AKT3: variants seen among roughly 807,000 people sequenced by gnomAD.
AKT3 encodes the protein RAC-gamma serine/threonine-protein kinase.
In AKT3, 15 loss-of-function variants were observed where a neutral mutation model predicts 65.3. The ratio of observed to expected loss-of-function variants is 0.23; its 90% confidence interval spans 0.15 to 0.35. AKT3 has a LOEUF of 0.35. AKT3 is among the 10% of genes least tolerant of loss of function. The pLI is 1.00. For synonymous variants in AKT3, 206 were observed against 183.8 expected, an observed-to-expected ratio of 1.12 and a Z score of -0.98; for missense variants, 243 against 576.5, an observed-to-expected ratio of 0.42 and a Z score of 5.92.
chr1:243,605,526 T>C (rs1030705642), intron 8 of AKT3, among the ~76,000 whole-genome samples: 10 of 152,280 alleles, frequency 6.6e-5, no homozygotes, highest in African/African-American at 1.2e-4. Context: ...CATTGAGAAA[T>C]TGAGAAAAAG....
At chr1:243,525,152 C>A (rs1670963216) in intron 12 of AKT3, among the ~76,000 whole-genome samples, 1 of 152,162 alleles carries the variant, frequency 6.6e-6, no homozygotes, top group Non-Finnish European at 1.5e-5. Flanking sequence ...CACACATGCA[C>A]AGGGCAGGCT....
intron 12 of AKT3, among the ~76,000 whole-genome samples, chr1:243,516,628 C>T (rs1252726295): frequency 6.6e-6 from 1 of 152,090 alleles, no homozygotes; most frequent in Non-Finnish European, 1.5e-5. Flanking sequence ...TCATAGTTCA[C>T]TGAAGCCTCA....
At chr1:243,775,816 A>G (rs759233797) in intron 2 of AKT3, among the ~76,000 whole-genome samples, 2 of 152,244 alleles carry the variant, frequency 1.3e-5, no homozygotes, top group Non-Finnish European at 2.9e-5. Context: ...TATTATTTAT[A>G]GACATAAAAA....
At chr1:243,559,271 G>A (rs919752563) in intron 10 of AKT3, among the ~76,000 whole-genome samples, 1 of 152,046 alleles carries the variant, frequency 6.6e-6, no homozygotes, top group African/African-American at 2.4e-5. Context: ...CACACTAAAT[G>A]CACAGTGCAT....
intron 2 of AKT3, among the ~76,000 whole-genome samples, chr1:243,785,469 CTACT>C (rs1354349655): frequency 6.6e-6 from 1 of 151,208 alleles, no homozygotes; most frequent in African/African-American, 2.4e-5. Flanking sequence ...TTTTTTTTTA[CTACT>C]TATAGTTTAG....
chr1:243,586,505 T>C (rs1431551774), intron 8 of AKT3, among the ~76,000 whole-genome samples: 7 of 151,894 alleles, frequency 4.6e-5, no homozygotes, highest in African/African-American at 1.7e-4. Context: ...ATTAAGAAAA[T>C]GTGGTGTATA....
rs757929806 is a variant in AKT3, at chr1:243,818,744, T to C, written c.46+24381A>G. On this transcript the variant is annotated intron_variant, in intron 2 of 13. Coordinates refer to ENST00000673466, the MANE Select transcript of AKT3 (RefSeq NM_005465.7). ...AATGACAGGCGCCAAGATGGCCAAA[T>C]AGAAATCGCTGTGGCCAGAGGCTCC... is the stretch of plus-strand genomic sequence containing the variant. Among the ~76,000 whole-genome samples the C allele has an allele frequency of 7.6e-4, 115 of 151,638 alleles. 1 individual carries two copies. Among genetic ancestry groups the C allele is most frequent in the Admixed American group, 1.8e-3 (28 of 15,248 alleles).
chr1:243,572,827 A>G (rs2148506522), intron 9 of AKT3, 99 bp downstream of exon 9: 1 of 1,265,958 alleles, frequency 7.9e-7, no homozygotes, highest in Non-Finnish European at 1.0e-6. Flanking sequence ...TCCCAACTAA[A>G]TCTGCTTTTC....
chr1:243,589,863 T>A (rs1263971811), intron 8 of AKT3, among the ~76,000 whole-genome samples: 1 of 152,194 alleles, frequency 6.6e-6, no homozygotes, highest in Non-Finnish European at 1.5e-5. Context: ...TATCAGCAGA[T>A]AAATGGATAA....
intron 12 of AKT3, among the ~76,000 whole-genome samples, chr1:243,513,312 G>A (rs954356604): frequency 6.6e-6 from 1 of 152,184 alleles, no homozygotes; most frequent in African/African-American, 2.4e-5. Flanking sequence ...CAGTCCCAGA[G>A]CATTAGGGTC....
At position 243,843,191 on chromosome 1, in the gene AKT3, C is replaced by G. The variant is rs1177898786; in HGVS notation, c.-21G>C. On this transcript the variant is annotated 5_prime_UTR_variant, in exon 2 of 14. Coordinates refer to ENST00000673466, the MANE Select transcript of AKT3 (RefSeq NM_005465.7). ...CTCATGATGACTCCCCTCTGAGCCCCCAACTTGGAGAAATGGTACTTTGTG... is the reference window on the plus strand; with the variant it reads ...CTCATGATGACTCCCCTCTGAGCCCGCAACTTGGAGAAATGGTACTTTGTG... 3 of 1,610,622 alleles carry G rather than the reference C, an allele frequency of 1.9e-6. No homozygotes were observed. In the Admixed American group the frequency reaches 5.0e-5, roughly 27 times the overall value.
intron 10 of AKT3, among the ~76,000 whole-genome samples, chr1:243,561,293 C>T (rs1386432179): frequency 1.3e-5 from 2 of 152,012 alleles, no homozygotes; most frequent in African/African-American, 2.4e-5. Flanking sequence ...TATTTTACTT[C>T]CTAATTTCTT....
chr1:243,840,118 C>A (rs1010154570), intron 2 of AKT3, among the ~76,000 whole-genome samples: 1 of 152,068 alleles, frequency 6.6e-6, no homozygotes, highest in African/African-American at 2.4e-5. Flanking sequence ...TTGCAGTGAG[C>A]CGAGATCATG....
chr1:243,684,859 G>A (rs1423628532), intron 3 of AKT3, among the ~76,000 whole-genome samples: 5 of 152,132 alleles, frequency 3.3e-5, no homozygotes, highest in African/African-American at 7.2e-5. Flanking sequence ...TCTAACTGGC[G>A]TGGGATGGTA....
intron 2 of AKT3, among the ~76,000 whole-genome samples, chr1:243,727,445 A>G (rs1446984972): frequency 2.0e-5 from 3 of 151,874 alleles, no homozygotes; most frequent in African/African-American, 4.8e-5. Context: ...ATGCGTGGCT[A>G]ATTTTGTTCA....
intron 12 of AKT3, among the ~76,000 whole-genome samples, chr1:243,540,963 T>A (rs2148438182): frequency 6.6e-6 from 1 of 152,312 alleles, no homozygotes; most frequent in East Asian, 1.9e-4. Flanking sequence ...TTCCATGAAG[T>A]CAACATCTTA....
chr1:243,641,768 CTACAAAAAAA>C (rs1680411158), intron 5 of AKT3, among the ~76,000 whole-genome samples: 1 of 151,886 alleles, frequency 6.6e-6, no homozygotes, highest in Admixed American at 6.6e-5. Context: ...AACCCTGTCT[CTACAAAAAAA>C]TACAAAAATT....
intron 4 of AKT3, among the ~76,000 whole-genome samples, chr1:243,648,094 C>CA (rs375173792): frequency 7.5e-4 from 114 of 151,730 alleles, no homozygotes; most frequent in African/African-American, 2.4e-3. Context: ...CTCGTCTCTA[C>CA]AAAAAATACA....
At chr1:243,840,882 G>A (rs1455053307) in intron 2 of AKT3, among the ~76,000 whole-genome samples, 2 of 151,904 alleles carry the variant, frequency 1.3e-5, no homozygotes, top group African/African-American at 4.8e-5. Context: ...TCACAATGGG[G>A]AGATATTAGG....
Sources: gnomAD v4.1 joint callset for allele counts (sites outside exome capture counted in the v4.1 genomes callset) on GRCh38, gnomAD v4.1.1 for gene constraint, MANE v1.5 for transcripts, NCBI Gene and HGNC (gene_info 2026-07-23, HGNC 2026-07-21) for gene names.